CHCHD4: variants seen among roughly 807,000 people sequenced by gnomAD.
CHCHD4 encodes the protein mitochondrial intermembrane space import and assembly protein 40.
Under a neutral mutation model 12.4 loss-of-function variants are expected in CHCHD4, and 7 were observed. That is an observed-to-expected ratio of 0.57 (90% CI 0.32 to 1.06). CHCHD4 has a LOEUF of 1.06. Ranked by LOEUF, CHCHD4 falls within the 50% of genes least tolerant of loss-of-function variation. CHCHD4 has a pLI of 0.04. For missense variants in CHCHD4, 143 were observed against 175.1 expected (o/e 0.82, Z 1.03); for synonymous variants, 56 against 58.0 (o/e 0.97, Z 0.16).
At position 14,113,050 on chromosome 3, in the gene CHCHD4, T is replaced by C. The variant is rs759704516; in HGVS notation, c.266A>G (p.Asp89Gly). The C allele has an allele frequency of 5.6e-6, 9 of 1,613,996 alleles. No homozygotes were observed. Among genetic ancestry groups the C allele is most frequent in the Non-Finnish European group, 6.8e-6 (8 of 1,179,948 alleles). Reference sequence around the variant, plus strand: ...GCATTCCTGCATGGCCCGGAACTGGTCTACACAGTCTGACCCCTTGATCTC... The same window carrying C: ...GCATTCCTGCATGGCCCGGAACTGGCCTACACAGTCTGACCCCTTGATCTC... ...TEEIKGSDCV[D>G]QFRAMQECMQ... Residue 89 changes from aspartate (D) to glycine (G), a missense_variant, in exon 3 of 3, where the codon GAC (aspartate) becomes GGC (glycine). Coordinates refer to ENST00000396914, the MANE Select transcript of CHCHD4 (RefSeq NM_001098502.2).
At chr3:14,118,121 T>G (rs760529091) in intron 1 of CHCHD4, among the ~76,000 whole-genome samples, 46 of 152,220 alleles carry the variant, frequency 3.0e-4, no homozygotes, top group Non-Finnish European at 5.4e-4. Flanking sequence ...ATTCTGATCC[T>G]AGAAGATCTG....
Position 14,124,691 on chromosome 3 carries a change from C to G in CHCHD4, c.-15G>C. ...CAATAGGACATGGCTGCAGCCCGTC[C>G]CTGAGACCTTGCAGAAGCGGCGGTG... is the stretch of plus-strand genomic sequence containing the variant. On this transcript the variant is annotated 5_prime_UTR_variant, in exon 1 of 3. Coordinates refer to ENST00000396914, the MANE Select transcript of CHCHD4 (RefSeq NM_001098502.2). The G allele has an allele frequency of 6.5e-7, 1 of 1,528,288 alleles. No individual in the cohort carries two copies. The highest frequency in any genetic ancestry group is 8.8e-7 in the Non-Finnish European group (1 of 1,139,916). The allele number at this position is 1,528,288 out of a possible 1,614,324, so 94.7% of individuals were successfully genotyped here.
chr3:14,124,677 G>A lies in CHCHD4; in HGVS notation c.-1C>T, dbSNP rs1379591416. ...TACCTTCCTGCCGGCAATAGGACAT[G>A]GCTGCAGCCCGTCCCTGAGACCTTG... is the stretch of plus-strand genomic sequence containing the variant. On this transcript the variant is annotated 5_prime_UTR_variant, in exon 1 of 3. Transcript: ENST00000396914. The A allele has an allele frequency of 2.6e-6, 4 of 1,529,872 alleles. No individual in the cohort carries two copies. Among genetic ancestry groups the A allele is most frequent in the African/African-American group, 2.9e-5 (2 of 69,744 alleles). 94.8% of individuals were successfully genotyped at this position (1,529,872 alleles called of 1,614,324 possible).
chr3:14,120,582 T>C (rs1694923049), intron 1 of CHCHD4, among the ~76,000 whole-genome samples: 1 of 152,140 alleles, frequency 6.6e-6, no homozygotes, highest in Non-Finnish European at 1.5e-5. Context: ...TTTATCTTTC[T>C]CCAAAGTGCT....
intron 1 of CHCHD4, among the ~76,000 whole-genome samples, chr3:14,120,103 AC>A (rs1399460873): frequency 1.3e-5 from 2 of 152,072 alleles, no homozygotes; most frequent in African/African-American, 4.8e-5. Flanking sequence ...CTCAGTCCCC[AC>A]CCCAGAACCT....
At chr3:14,123,085 T>C (rs1371541651) in intron 1 of CHCHD4, among the ~76,000 whole-genome samples, 1 of 152,080 alleles carries the variant, frequency 6.6e-6, no homozygotes, top group Non-Finnish European at 1.5e-5. Context: ...GGGACAGTGG[T>C]ATGCACAAGA....
intron 1 of CHCHD4, among the ~76,000 whole-genome samples, chr3:14,123,903 A>G (rs933932156): frequency 6.6e-6 from 1 of 152,168 alleles, no homozygotes; most frequent in African/African-American, 2.4e-5. Flanking sequence ...TCGGAGCTCA[A>G]CTTTGGGGTG....
Position 14,113,813 on chromosome 3 carries a change from T to C in CHCHD4, c.122-619A>G, listed in dbSNP as rs1484294787. ...TCTTGTAAAAATCAACCAAACCTGT[T>C]AAACTGCACATATGTGTTGGGCAGG... On this transcript the variant is annotated intron_variant, in intron 2 of 2. Transcript: ENST00000396914. Among the ~76,000 whole-genome samples the C allele has an allele frequency of 2.0e-5, 3 of 152,240 alleles. No individual in the cohort carries two copies. In the East Asian group the frequency reaches 5.8e-4, roughly 29 times the overall value.
At chr3:14,116,675 G>C in intron 1 of CHCHD4, 151 bp from the exon 2 acceptor site, 1 of 665,814 alleles carries the variant, frequency 1.5e-6, no homozygotes. Flanking sequence ...TCATATGCTA[G>C]GGGTAGCAAA....
intron 1 of CHCHD4, among the ~76,000 whole-genome samples, chr3:14,117,293 G>T (rs767246565): frequency 3.3e-5 from 5 of 152,186 alleles, no homozygotes; most frequent in African/African-American, 4.8e-5. Context: ...AAACAGACCA[G>T]TGAGAGTCAA....
chr3:14,123,435 G>A (rs998030431), intron 1 of CHCHD4, among the ~76,000 whole-genome samples: 1 of 152,214 alleles, frequency 6.6e-6, no homozygotes, highest in Non-Finnish European at 1.5e-5. Context: ...ACTCATTAAA[G>A]AGTGAGTCTT....
chr3:14,122,076 C>G (rs780988163), intron 1 of CHCHD4: 10 of 1,596,282 alleles, frequency 6.3e-6, no homozygotes, highest in African/African-American at 1.3e-5. Context: ...AGGAACCATC[C>G]TGGGCAAAGC....
intron 1 of CHCHD4, among the ~76,000 whole-genome samples, chr3:14,117,342 G>C (rs1054364898): frequency 2.0e-5 from 3 of 152,206 alleles, no homozygotes; most frequent in African/African-American, 7.2e-5. Context: ...ACTGGAGGCT[G>C]GGTGAGCACA....
chr3:14,116,328 C>G, intron 2 of CHCHD4, 98 bp downstream of exon 2: 1 of 851,504 alleles, frequency 1.2e-6, no homozygotes, highest in East Asian at 2.4e-5. Flanking sequence ...TACCTGAAAA[C>G]TTGGCCTTGG....
chr3:14,113,916 C>T (rs944814568), intron 2 of CHCHD4, among the ~76,000 whole-genome samples: 1 of 152,196 alleles, frequency 6.6e-6, no homozygotes, highest in Non-Finnish European at 1.5e-5. Flanking sequence ...CTTTTCTTAT[C>T]ATTGAACTTT....
intron 1 of CHCHD4, among the ~76,000 whole-genome samples, chr3:14,120,782 G>T (rs1694925572): frequency 1.3e-5 from 2 of 152,176 alleles, no homozygotes; most frequent in South Asian, 4.1e-4. Context: ...CTGGATTAGG[G>T]CTTGAAGACC....
chr3:14,118,000 C>T (rs1694893931), intron 1 of CHCHD4, among the ~76,000 whole-genome samples: 1 of 152,232 alleles, frequency 6.6e-6, no homozygotes, highest in South Asian at 2.1e-4. Flanking sequence ...CCAACCTCGG[C>T]CCCAAAAAGC....
At chr3:14,122,022 A>C (rs761077065) in intron 1 of CHCHD4, 1 of 1,613,448 alleles carries the variant, frequency 6.2e-7, no homozygotes, top group Non-Finnish European at 8.5e-7. Flanking sequence ...TTTGTCCCTG[A>C]CAAAGAGCTT....
intron 2 of CHCHD4, among the ~76,000 whole-genome samples, chr3:14,114,263 G>C (rs190925823): frequency 6.6e-6 from 1 of 152,158 alleles, no homozygotes; most frequent in East Asian, 1.9e-4. Flanking sequence ...CAGCAAGGAC[G>C]ATGCCAACTA....
Sources: allele counts gnomAD v4.1 joint callset (sites outside exome capture counted in the v4.1 genomes callset), GRCh38; gene constraint gnomAD v4.1.1; transcripts MANE v1.5; gene names NCBI Gene and HGNC (gene_info 2026-07-23, HGNC 2026-07-21).